The following ZNF410 variants were observed in gnomAD, a reference collection of about 807,000 sequenced individuals.
The protein encoded by ZNF410 is another partner for ARF 1.
In ZNF410, 18 loss-of-function variants were observed where a neutral mutation model predicts 54.8. That is an observed-to-expected ratio of 0.33 (90% confidence interval 0.23 to 0.49). The LOEUF (loss-of-function observed/expected upper bound fraction) is 0.49. Ranked by LOEUF, ZNF410 falls within the 20% of genes least tolerant of loss-of-function variation. The pLI, the probability that ZNF410 is intolerant of heterozygous loss-of-function variation, is 0.99. For synonymous variants in ZNF410, 191 were observed against 207.3 expected (o/e 0.92, Z 0.68); for missense variants, 405 against 569.6 (o/e 0.71, Z 2.94).
intron 8 of ZNF410, chr14:73,909,671 TCAG>T (rs1180401194): frequency 2.5e-6 from 1 of 395,666 alleles, no homozygotes; most frequent in Non-Finnish European, 4.6e-6. Context: ...TTTGAAGAGA[TCAG>T]CAAATTTGTT....
intron 7 of ZNF410, 117 bp from the exon 8 acceptor site, chr14:73,909,224 A>G (rs1325028283): frequency 1.2e-6 from 1 of 827,522 alleles, no homozygotes; most frequent in Non-Finnish European, 1.9e-6. Context: ...TATAACATGA[A>G]TTAAATAAAT....
intron 5 of ZNF410, among the ~76,000 whole-genome samples, chr14:73,900,376 ATT>A (rs200858040): frequency 5.7e-5 from 8 of 141,360 alleles, no homozygotes; most frequent in Non-Finnish European, 3.1e-5. Flanking sequence ...ACACATTTTA[ATT>A]TTTTTTTTTT....
At position 73,896,435 on chromosome 14, in the gene ZNF410, T is replaced by A; in HGVS notation, c.289T>A (p.Ser97Thr). 6.2e-7 allele frequency: 1 copy of A among 1,614,146 alleles called. No homozygotes were observed. The highest frequency in any genetic ancestry group is 8.5e-7 in the Non-Finnish European group (1 of 1,180,020). The change falls in exon 4 of 12, where the codon TCC becomes ACC. Residue 97 changes from serine (S) to threonine (T), a missense_variant. Ser to Thr is a moderately conservative substitution (Grantham distance 58). Transcript: ENST00000555044. ...EETRAQTVQK[S>T]PEFLSTSESS... ...GACGAGAGCTCAGACTGTACAGAAA[T>A]CCCCGGAGTTTTTGTCCACTTCAGA...
intron 4 of ZNF410, 52 bp downstream of exon 4, chr14:73,896,586 G>T (rs1257386312): frequency 2.1e-6 from 3 of 1,422,984 alleles, no homozygotes; most frequent in African/African-American, 1.4e-5. Context: ...AAAAATTAGG[G>T]GTGGGGCATA....
intron 7 of ZNF410, among the ~76,000 whole-genome samples, chr14:73,908,359 CTTG>C (rs764283279): frequency 6.6e-5 from 10 of 152,000 alleles, no homozygotes; most frequent in Admixed American, 2.6e-4. Context: ...AACATTTGAT[CTTG>C]TTATTACTAA....
intron 11 of ZNF410, among the ~76,000 whole-genome samples, chr14:73,929,136 C>G (rs2055875343): frequency 6.6e-6 from 1 of 152,194 alleles, no homozygotes; most frequent in Non-Finnish European, 1.5e-5. Flanking sequence ...TACCCTCTGT[C>G]TGAGCCTCAC....
chr14:73,896,147 A>C, intron 3 of ZNF410, 169 bp from the exon 4 acceptor site: 1 of 596,626 alleles, frequency 1.7e-6, no homozygotes, highest in South Asian at 2.1e-5. Flanking sequence ...TTGGAACATA[A>C]AGCCATCTCT....
chr14:73,904,307 A>G (rs1171741195), intron 6 of ZNF410, among the ~76,000 whole-genome samples, 197 bp downstream of exon 6: 1 of 152,176 alleles, frequency 6.6e-6, no homozygotes, highest in Non-Finnish European at 1.5e-5. Flanking sequence ...ATTTAATAAG[A>G]CATTTGGGAC....
intron 8 of ZNF410, among the ~76,000 whole-genome samples, chr14:73,910,861 C>CAAAA (rs540690694): frequency 1.5e-5 from 1 of 68,610 alleles, no homozygotes; most frequent in Non-Finnish European, 3.2e-5. Context: ...GACCCTGTCT[C>CAAAA]AAAAAAAAAA....
chr14:73,898,774 T>C (rs1392538783), intron 5 of ZNF410, among the ~76,000 whole-genome samples: 2 of 152,238 alleles, frequency 1.3e-5, no homozygotes, highest in Non-Finnish European at 2.9e-5. Context: ...TTTAATGCTT[T>C]TTCTTTTCAG....
At chr14:73,898,507 A>T (rs2055357312) in intron 5 of ZNF410, 1 of 551,608 alleles carries the variant, frequency 1.8e-6, no homozygotes, top group East Asian at 2.9e-5. Flanking sequence ...TTTAAAGAAA[A>T]AATAATATAC....
Position 73,894,241 on chromosome 14 carries a change from A to G in ZNF410, c.169+309A>G, listed in dbSNP as rs985473409. The G allele has an allele frequency of 4.7e-5, 32 of 674,944 alleles. No individual in the cohort carries two copies. In the East Asian group the frequency reaches 8.4e-4, roughly 18 times the overall value. The allele number at this position is 674,944 out of a possible 1,614,324, so 41.8% of individuals were successfully genotyped here. A position where few individuals can be genotyped will look rare whatever the true frequency, so the allele number is the denominator to read the frequency against. Reference sequence around the variant, plus strand: ...GGAGGGAAGAAACAAAGACTAAAATAGTTGGATGAACATCAGCAGAGTGGA... The same window carrying G: ...GGAGGGAAGAAACAAAGACTAAAATGGTTGGATGAACATCAGCAGAGTGGA... On this transcript the variant is annotated intron_variant, in intron 3 of 11. Coordinates refer to ENST00000555044, the MANE Select transcript of ZNF410 (RefSeq NM_021188.3).
intron 6 of ZNF410, among the ~76,000 whole-genome samples, chr14:73,904,432 AG>A: frequency 6.6e-6 from 1 of 152,234 alleles, no homozygotes; most frequent in East Asian, 1.9e-4. Flanking sequence ...GATCAGTTTA[AG>A]GGGTGGTGCT....
chr14:73,924,553 G>A, intron 11 of ZNF410: 1 of 354,456 alleles, frequency 2.8e-6, no homozygotes, highest in South Asian at 2.1e-5. Context: ...CTTGTGTCAT[G>A]GGAGTGGATG....
chr14:73,910,450 A>AAGCATGGTAGT (rs1186909319), intron 8 of ZNF410, among the ~76,000 whole-genome samples: 1 of 152,180 alleles, frequency 6.6e-6, no homozygotes, highest in Non-Finnish European at 1.5e-5. Flanking sequence ...CAATAATCAG[A>AAGCATGGTAGT]AGCATGGTAG....
At chr14:73,891,005 T>C (rs1377017137) in intron 1 of ZNF410, among the ~76,000 whole-genome samples, 1 of 151,924 alleles carries the variant, frequency 6.6e-6, no homozygotes, top group African/African-American at 2.4e-5. Flanking sequence ...CAAAACTCCA[T>C]CTCTAAATAA....
intron 11 of ZNF410, among the ~76,000 whole-genome samples, chr14:73,930,083 G>A (rs1421762709): frequency 6.6e-6 from 1 of 152,066 alleles, no homozygotes; most frequent in East Asian, 1.9e-4. Context: ...AGCTAGTTTT[G>A]ACTACCTCTT....
At chr14:73,921,310 T>C in intron 9 of ZNF410, 1 of 505,220 alleles carries the variant, frequency 2.0e-6, no homozygotes, top group Non-Finnish European at 3.3e-6. Flanking sequence ...TTTTGTTGCT[T>C]GTCCGCCCAC....
intron 5 of ZNF410, chr14:73,903,655 T>G: frequency 3.4e-6 from 1 of 292,254 alleles, no homozygotes; most frequent in Non-Finnish European, 6.5e-6. Flanking sequence ...CTGTCTAATT[T>G]TTGTTTGTTT....
Sources: allele counts gnomAD v4.1 joint callset (sites outside exome capture counted in the v4.1 genomes callset), GRCh38; gene constraint gnomAD v4.1.1; transcripts MANE v1.5; gene names NCBI Gene and HGNC (gene_info 2026-07-23, HGNC 2026-07-21).